The following PIGV variants were observed in gnomAD, a reference collection of about 807,000 sequenced individuals.
The protein encoded by PIGV is phosphatidylinositol glycan anchor biosynthesis class V.
In PIGV, 27 loss-of-function variants were observed where a neutral mutation model predicts 39.2. That is an observed-to-expected ratio of 0.69 (90% CI 0.51 to 0.95). The LOEUF (loss-of-function observed/expected upper bound fraction) is 0.95. PIGV is among the 40% of genes least tolerant of loss of function. The pLI, the probability that PIGV is intolerant of heterozygous loss-of-function variation, is 0.00. For synonymous variants in PIGV, 232 were observed against 241.7 expected, an observed-to-expected ratio of 0.96 and a Z score of 0.37; for missense variants, 523 against 586.4, an observed-to-expected ratio of 0.89 and a Z score of 1.12.
chr1:26,794,237 C>G lies in PIGV; in HGVS notation c.203C>G (p.Ala68Gly). ...CTGGGCGGCCTGTCTCACTGGGATGCTGAACACTTCTTGTTCATTGCTGAG... is the reference window on the plus strand; with the variant it reads ...CTGGGCGGCCTGTCTCACTGGGATGGTGAACACTTCTTGTTCATTGCTGAG... ...GLLGGLSHWD[A>G]EHFLFIAEHG... Residue 68 changes from alanine (A) to glycine (G), a missense_variant, in exon 3 of 4, where the codon GCT (alanine) becomes GGT (glycine). Ala to Gly is a moderately conservative substitution (Grantham distance 60). Coordinates refer to ENST00000674202, the MANE Select transcript of PIGV (RefSeq NM_017837.4). 6.2e-7 allele frequency: 1 copy of G among 1,614,228 alleles called. No homozygotes were observed. Among genetic ancestry groups the G allele is most frequent in the Non-Finnish European group, 8.5e-7 (1 of 1,180,032 alleles).
At chr1:26,790,175 G>A (rs575016839) in intron 1 of PIGV, among the ~76,000 whole-genome samples, 4 of 152,302 alleles carry the variant, frequency 2.6e-5, no homozygotes, top group African/African-American at 9.6e-5. Context: ...ACACATCAGA[G>A]AGCTAAGCTA....
At position 26,794,767 on chromosome 1, in the gene PIGV, G is replaced by C. The variant is rs753463896; in HGVS notation, c.733G>C (p.Val245Leu). ...GCTGATGGCCTCTCTGTTTCTGTCG[G>C]TGTTCACACTTGGCCTTCCCTTTGC... is the stretch of plus-strand genomic sequence containing the variant. Reference protein sequence around the residue: ...FKLMASLFLSVFTLGLPFALF... With the variant: ...FKLMASLFLSLFTLGLPFALF... The change falls in exon 3 of 4, where the codon GTG (valine) becomes CTG (leucine). Residue 245 changes from valine (V) to leucine (L), a missense_variant. Coordinates refer to ENST00000674202, the MANE Select transcript of PIGV (RefSeq NM_017837.4). 6.2e-7 allele frequency: 1 copy of C among 1,614,112 alleles called. No homozygotes were observed. The highest frequency in any genetic ancestry group is 1.1e-5 in the South Asian group (1 of 91,080).
chr1:26,791,005 G>C, intron 2 of PIGV, 112 bp downstream of exon 2: 3 of 859,750 alleles, frequency 3.5e-6, no homozygotes, highest in South Asian at 1.4e-5. Context: ...CCATGTGGTT[G>C]GAACCACAGA....
Position 26,797,837 on chromosome 1 carries a change from G to A in PIGV, c.1475G>A (p.Trp492Ter). The change falls in exon 4 of 4, where the codon TGG becomes TAG. Residue 492 changes from tryptophan to a stop codon, truncating the protein, a stop_gained. Coordinates refer to ENST00000674202, the MANE Select transcript of PIGV (RefSeq NM_017837.4). LOFTEE classifies it high-confidence loss of function. ...GLLLHCNFLP[W>*]T ...CTCCTACATTGCAACTTCCTGCCTT[G>A]GACATGACCTGGACTCTCCAGGGAC... 1.2e-6 allele frequency: 2 copies of A among 1,614,118 alleles called. No homozygotes were observed. Among genetic ancestry groups the A allele is most frequent in the Non-Finnish European group, 1.7e-6 (2 of 1,180,014 alleles).
In PIGV at chr1:26,797,418, C is replaced by G. The variant is rs140069741; in HGVS notation, c.1201-145C>G. 83 of 746,786 alleles carry G rather than the reference C, an allele frequency of 1.1e-4. No homozygotes were observed. The East Asian group carries it at 1.9e-3, about 17-fold the overall frequency. The allele number at this position is 746,786 out of a possible 1,614,324, so 46.3% of individuals were successfully genotyped here. On this transcript the variant is annotated intron_variant, in intron 3 of 3. Coordinates refer to ENST00000674202, the MANE Select transcript of PIGV (RefSeq NM_017837.4). ...ACATCTTTCTAAGACAGATCCTAAGCTGTGTTCAATTTCTTTTCCAGTGTA... is the reference window on the plus strand; with the variant it reads ...ACATCTTTCTAAGACAGATCCTAAGGTGTGTTCAATTTCTTTTCCAGTGTA...
chr1:26,800,504 A>G lies in PIGV; in HGVS notation c.*2660A>G, dbSNP rs186661124. 2.0e-5 allele frequency among the ~76,000 whole-genome samples: 3 copies of G among 152,284 alleles called. No homozygotes were observed. The East Asian group carries it at 5.8e-4, about 29-fold the overall frequency. The stretch of plus-strand genomic sequence containing the variant: ...GGAGAGTGTTTGACATACCTTTACC[A>G]GTCCTCCTGGAAAAATGTTACTTTT... On this transcript the variant is annotated 3_prime_UTR_variant, in exon 4 of 4. Transcript: ENST00000674202.
At chr1:26,791,565 G>A (rs1330866645) in intron 2 of PIGV, among the ~76,000 whole-genome samples, 1 of 152,184 alleles carries the variant, frequency 6.6e-6, no homozygotes, top group Non-Finnish European at 1.5e-5. Context: ...GTTGTTGAAT[G>A]TATGTCAACA....
In PIGV at chr1:26,794,510, C is replaced by T; in HGVS notation, c.476C>T (p.Pro159Leu). The change falls in exon 3 of 4, where the codon CCT (proline) becomes CTT (leucine). Residue 159 changes from proline to leucine, a missense_variant. Physicochemically the swap from Pro to Leu is moderately conservative, Grantham distance 98. Coordinates refer to ENST00000674202, the MANE Select transcript of PIGV (RefSeq NM_017837.4). ...FYAALLFCLS[P>L]ANVFLAAGYS... ...GCAGCTCTGCTTTTCTGTCTCAGCC[C>T]TGCCAATGTCTTCCTGGCAGCTGGT... 1 of 1,614,258 alleles carries T rather than the reference C, an allele frequency of 6.2e-7. No individual in the cohort carries two copies. Among genetic ancestry groups the T allele is most frequent in the South Asian group, 1.1e-5 (1 of 91,088 alleles).
upstream of PIGV, chr1:26,787,887 G>A (rs914355612): frequency 1.3e-5 from 2 of 152,298 alleles, no homozygotes; most frequent in African/African-American, 4.8e-5. Context: ...GCCGCGCAGG[G>A]AGGCGGGGCT....
rs561649797 is a variant in PIGV at position 26,797,956 on chromosome 1, A to G, written c.*112A>G. On this transcript the variant is annotated 3_prime_UTR_variant, in exon 4 of 4. Transcript: ENST00000674202. ...TGGGATCATTACTGTGTCCATTATAATCTTTCTCTTTCTCTTTGAAAGCTG... is the reference window on the plus strand; with the variant it reads ...TGGGATCATTACTGTGTCCATTATAGTCTTTCTCTTTCTCTTTGAAAGCTG... 15 of 954,752 alleles carry G rather than the reference A, an allele frequency of 1.6e-5. No homozygotes were observed. The South Asian group carries it at 1.7e-4, about 11-fold the overall frequency. 59.1% of individuals were successfully genotyped at this position (954,752 alleles called of 1,614,324 possible).
chr1:26,797,164 G>A (rs2124205952), intron 3 of PIGV, among the ~76,000 whole-genome samples: 1 of 152,276 alleles, frequency 6.6e-6, no homozygotes, highest in East Asian at 1.9e-4. Context: ...TTCAAGCAAT[G>A]GGTCTTCTGC....
At chr1:26,787,790 CTT>C (rs1366912228), upstream of PIGV, 1 of 152,374 alleles carries the variant, frequency 6.6e-6, no homozygotes, top group African/African-American at 2.4e-5. Flanking sequence ...CGAGAGAACT[CTT>C]CAGGTGTCAC....
Position 26,798,804 on chromosome 1 carries a change from AAAGGG to A in PIGV, c.*961_*965del, listed in dbSNP as rs1480788708. 6.6e-6 allele frequency among the ~76,000 whole-genome samples: 1 copy of A among 152,236 alleles called. No individual in the cohort carries two copies. The highest frequency in any genetic ancestry group is 1.5e-5 in the Non-Finnish European group (1 of 68,040). Reference sequence around the variant, plus strand: ...AATAATATAAATCAGCTGGGGGAAAAAAGGGTAAGAAGAAGGCATCAGGAACCCTG... The same window carrying A: ...AATAATATAAATCAGCTGGGGGAAAATAAGAAGAAGGCATCAGGAACCCTG... On this transcript the variant is annotated 3_prime_UTR_variant, in exon 4 of 4. Coordinates refer to ENST00000674202, the MANE Select transcript of PIGV (RefSeq NM_017837.4).
In PIGV at chr1:26,794,515, A is replaced by G; in HGVS notation, c.481A>G (p.Asn161Asp). 1 of 1,614,176 alleles carries G rather than the reference A, an allele frequency of 6.2e-7. No homozygotes were observed. The highest frequency in any genetic ancestry group is 1.1e-5 in the South Asian group (1 of 91,078). The change falls in exon 3 of 4, where the codon AAT becomes GAT. Residue 161 changes from asparagine to aspartate, a missense_variant. Coordinates refer to ENST00000674202, the MANE Select transcript of PIGV (RefSeq NM_017837.4). ...AALLFCLSPA[N>D]VFLAAGYSEA... is the part of the protein sequence containing the mutation. ...TCTGCTTTTCTGTCTCAGCCCTGCC[A>G]ATGTCTTCCTGGCAGCTGGTTACTC... is the stretch of plus-strand genomic sequence containing the variant.
intron 3 of PIGV, 53 bp downstream of exon 3, chr1:26,795,287 G>A: frequency 6.2e-7 from 1 of 1,605,960 alleles, no homozygotes; most frequent in Non-Finnish European, 8.5e-7. Context: ...AAAACCCCTT[G>A]GCCAAGGACA....
upstream of PIGV, chr1:26,787,863 G>T (rs1243622946): frequency 6.6e-6 from 1 of 152,304 alleles, no homozygotes; most frequent in Admixed American, 6.5e-5. Flanking sequence ...CGCTCGCCCG[G>T]AGTCAACATG....
At position 26,799,959 on chromosome 1, in the gene PIGV, T is replaced by G. The variant is rs542288133; in HGVS notation, c.*2115T>G. Reference sequence around the variant, plus strand: ...TATTGCCGAGGTAGGAGCACTGGGTTCTTCGCTCTCCTCTTTGCCTCCTTT... The same window carrying G: ...TATTGCCGAGGTAGGAGCACTGGGTGCTTCGCTCTCCTCTTTGCCTCCTTT... On this transcript the variant is annotated 3_prime_UTR_variant, in exon 4 of 4. Transcript: ENST00000674202. 6.6e-6 allele frequency among the ~76,000 whole-genome samples: 1 copy of G among 152,312 alleles called. No individual in the cohort carries two copies. The highest frequency in any genetic ancestry group is 2.4e-5 in the African/African-American group (1 of 41,564).
At chr1:26,792,616 C>T (rs1255186784) in intron 2 of PIGV, among the ~76,000 whole-genome samples, 2 of 152,166 alleles carry the variant, frequency 1.3e-5, no homozygotes, top group African/African-American at 4.8e-5. Flanking sequence ...CGTGAGCCAC[C>T]GCGCCCGGCC....
chr1:26,793,710 TC>T (rs2081341178), intron 2 of PIGV, among the ~76,000 whole-genome samples: 1 of 152,130 alleles, frequency 6.6e-6, no homozygotes, highest in South Asian at 2.1e-4. Context: ...CAAGCAATCC[TC>T]CCATCTCAGC....
Sources: allele counts gnomAD v4.1 joint callset (sites outside exome capture counted in the v4.1 genomes callset), GRCh38; gene constraint gnomAD v4.1.1; transcripts MANE v1.5; gene names NCBI Gene and HGNC (gene_info 2026-07-23, HGNC 2026-07-21).